The following ZNF804B variants were observed in gnomAD, a reference collection of about 807,000 sequenced individuals.
The protein encoded by ZNF804B is zinc finger protein 804B, also known as zinc finger 804B.
In ZNF804B, 80 loss-of-function variants were observed where a neutral mutation model predicts 101.4. That is an observed-to-expected ratio of 0.79 (90% CI 0.66 to 0.95). The LOEUF (loss-of-function observed/expected upper bound fraction) is 0.95, where lower values mean the gene tolerates loss of function less well. Ranked by LOEUF, ZNF804B falls within the 40% of genes least tolerant of loss-of-function variation. ZNF804B has a pLI of 0.00. For missense variants in ZNF804B, 1,673 were observed against 1,561.9 expected (o/e 1.07, Z -1.20); for synonymous variants, 622 against 558.8 (o/e 1.11, Z -1.59).
At chr7:89,241,838 A>G (rs555740784) in intron 2 of ZNF804B, among the ~76,000 whole-genome samples, 1 of 150,694 alleles carries the variant, frequency 6.6e-6, no homozygotes, top group East Asian at 1.9e-4. Flanking sequence ...TTTAATCACT[A>G]CAAACACTAC....
chr7:88,955,124 T>G (rs1205044552), intron 1 of ZNF804B, among the ~76,000 whole-genome samples: 1 of 150,708 alleles, frequency 6.6e-6, no homozygotes, highest in East Asian at 2.0e-4. Context: ...GAAAAAAAAG[T>G]TTTTTTCTTT....
chr7:89,307,053 A>C (rs1264075473), intron 2 of ZNF804B, among the ~76,000 whole-genome samples: 3 of 152,012 alleles, frequency 2.0e-5, no homozygotes, highest in Admixed American at 6.6e-5. Context: ...TTGTTTCTTC[A>C]TACACTCAAT....
chr7:88,902,156 G>A (rs1792401429), intron 1 of ZNF804B, among the ~76,000 whole-genome samples: 1 of 151,866 alleles, frequency 6.6e-6, no homozygotes, highest in Admixed American at 6.6e-5. Context: ...TCTTGACTAA[G>A]CCACATACCT....
At chr7:89,050,509 G>T (rs1789183513) in intron 1 of ZNF804B, among the ~76,000 whole-genome samples, 1 of 152,134 alleles carries the variant, frequency 6.6e-6, no homozygotes, top group Admixed American at 6.6e-5. Flanking sequence ...GTGATCCTTG[G>T]ATTAATGTCC....
intron 1 of ZNF804B, among the ~76,000 whole-genome samples, chr7:89,044,518 G>T (rs369810526): frequency 1.3e-5 from 2 of 152,256 alleles, no homozygotes; most frequent in East Asian, 3.9e-4. Flanking sequence ...AAGAAGATAA[G>T]AAAATATGGG....
At chr7:89,228,934 C>T (rs35753833) in intron 2 of ZNF804B, among the ~76,000 whole-genome samples, 36,325 of 152,118 alleles carry the variant, frequency 0.24, 4,586 homozygotes, top group Non-Finnish European at 0.27. Context: ...CAGCTAAGGC[C>T]GGGGGAGAAA....
intron 1 of ZNF804B, among the ~76,000 whole-genome samples, chr7:88,812,810 C>T (rs1451546598): frequency 6.6e-6 from 1 of 152,012 alleles, no homozygotes; most frequent in Non-Finnish European, 1.5e-5. Flanking sequence ...CACACACAAC[C>T]AAATACTGTT....
intron 1 of ZNF804B, among the ~76,000 whole-genome samples, chr7:88,806,756 C>T (rs901307910): frequency 6.6e-6 from 1 of 151,984 alleles, no homozygotes; most frequent in Non-Finnish European, 1.5e-5. Flanking sequence ...ACTGAAGGCC[C>T]ATTTTAGATC....
intron 1 of ZNF804B, among the ~76,000 whole-genome samples, chr7:88,892,362 T>C (rs925117835): frequency 6.6e-6 from 1 of 152,146 alleles, no homozygotes; most frequent in Non-Finnish European, 1.5e-5. Flanking sequence ...TCTGTAGATA[T>C]CTTAATTTCC....
chr7:89,113,447 CA>C, intron 1 of ZNF804B, among the ~76,000 whole-genome samples: 1 of 152,056 alleles, frequency 6.6e-6, no homozygotes, highest in African/African-American at 2.4e-5. Context: ...AATGGAGACA[CA>C]AGTATGAATA....
At chr7:89,278,176 T>C (rs1283493008) in intron 2 of ZNF804B, among the ~76,000 whole-genome samples, 5 of 152,146 alleles carry the variant, frequency 3.3e-5, no homozygotes, top group Admixed American at 1.3e-4. Flanking sequence ...TCATATCCTT[T>C]GCCCACTTTT....
chr7:89,292,183 A>G (rs1190487244), intron 2 of ZNF804B, among the ~76,000 whole-genome samples: 1 of 152,154 alleles, frequency 6.6e-6, no homozygotes, highest in East Asian at 1.9e-4. Context: ...ATGGATGTTA[A>G]TGAGCAATAA....
intron 2 of ZNF804B, among the ~76,000 whole-genome samples, chr7:89,309,090 A>T (rs1177345189): frequency 6.6e-6 from 1 of 152,174 alleles, no homozygotes; most frequent in Non-Finnish European, 1.5e-5. Context: ...CCATCATCCA[A>T]GTAGTGAACA....
intron 1 of ZNF804B, among the ~76,000 whole-genome samples, chr7:89,025,700 T>C (rs143385629): frequency 9.9e-4 from 151 of 152,256 alleles, no homozygotes; most frequent in Non-Finnish European, 1.6e-3. Context: ...GAGATCAAAA[T>C]ATTCCCTAAG....
At chr7:89,222,661 C>T (rs1249871325) in intron 2 of ZNF804B, among the ~76,000 whole-genome samples, 1 of 151,920 alleles carries the variant, frequency 6.6e-6, no homozygotes, top group Non-Finnish European at 1.5e-5. Flanking sequence ...TATCTTCTCT[C>T]TCCCTGAAGT....
chr7:89,257,042 A>G (rs1789641212), intron 2 of ZNF804B, among the ~76,000 whole-genome samples: 1 of 152,218 alleles, frequency 6.6e-6, no homozygotes, highest in Non-Finnish European at 1.5e-5. Context: ...TGATTGAGTT[A>G]GACAAGTTAC....
chr7:89,123,479 G>A (rs17166893), intron 1 of ZNF804B, among the ~76,000 whole-genome samples: 13,950 of 152,118 alleles, frequency 0.092, 1,346 homozygotes, highest in African/African-American at 0.25. Context: ...TTCATTTAAT[G>A]TAAGAAGTAT....
chr7:89,021,228 C>G (rs561963015), intron 1 of ZNF804B, among the ~76,000 whole-genome samples: 1 of 152,202 alleles, frequency 6.6e-6, no homozygotes, highest in South Asian at 2.1e-4. Context: ...CAGCAGCAAT[C>G]CATTTTAGTG....
At position 89,337,874 on chromosome 7, in the gene ZNF804B, C is replaced by T. The variant is rs921707388; in HGVS notation, c.*842C>T. ...AACTAAAATATTGTTTATTATTCTTCTACTCAAAAATTTTACTACGTTCAG... is the reference window on the plus strand; with the variant it reads ...AACTAAAATATTGTTTATTATTCTTTTACTCAAAAATTTTACTACGTTCAG... On this transcript the variant is annotated 3_prime_UTR_variant, in exon 4 of 4. Transcript: ENST00000333190. Among the ~76,000 whole-genome samples, 94 of 152,070 alleles carry T rather than the reference C, an allele frequency of 6.2e-4. No homozygotes were observed. Among genetic ancestry groups the T allele is most frequent in the African/African-American group, 2.2e-3 (93 of 41,540 alleles).
Sources: allele counts gnomAD v4.1 joint callset (sites outside exome capture counted in the v4.1 genomes callset), GRCh38; gene constraint gnomAD v4.1.1; transcripts MANE v1.5; gene names NCBI Gene and HGNC (gene_info 2026-07-23, HGNC 2026-07-21).